FOXP1: variants seen among roughly 807,000 people sequenced by gnomAD.
FOXP1 encodes forkhead box P1.
A neutral mutation model predicts 98.2 loss-of-function variants in FOXP1; 15 were observed. That is an observed-to-expected ratio of 0.15 (90% CI 0.10 to 0.24). The LOEUF (loss-of-function observed/expected upper bound fraction) is 0.24. FOXP1 is among the 10% of genes least tolerant of loss of function. The pLI is 1.00. For missense variants in FOXP1, 633 were observed against 848.5 expected (o/e 0.75, Z 3.15); for synonymous variants, 371 against 314.5 (o/e 1.18, Z -1.90).
chr3:71,308,640 G>GT (rs2074450010), intron 4 of FOXP1, among the ~76,000 whole-genome samples: 1 of 151,966 alleles, frequency 6.6e-6, no homozygotes, highest in Non-Finnish European at 1.5e-5. Flanking sequence ...AGAATAAACT[G>GT]TCGCCCAAGG....
Position 71,348,538 on chromosome 3 carries a change from TGTGTGTGTGTGC to T in FOXP1, c.-73+10600_-73+10611del, listed in dbSNP as rs1560348920. Among the ~76,000 whole-genome samples, 282 of 72,490 alleles carry T rather than the reference TGTGTGTGTGTGC, an allele frequency of 3.9e-3. 2 individuals carry two copies. The highest frequency in any genetic ancestry group is 0.01 in the Admixed American group (56 of 5,350). The allele number at this position is 72,490 out of a possible 152,430, so 47.6% of individuals were successfully genotyped here. A position where few individuals can be genotyped will look rare whatever the true frequency, so the allele number is the denominator to read the frequency against. ...GTGTGTGTGCGTGTGTGTGTGTGTG[TGTGTGTGTGTGC>T]GTGCGCGCGCGCACGCATATGCATG... On this transcript the variant is annotated intron_variant, in intron 4 of 20. Transcript: ENST00000649528.
At chr3:71,008,057 A>C (rs2043028026) in intron 12 of FOXP1, among the ~76,000 whole-genome samples, 1 of 152,222 alleles carries the variant, frequency 6.6e-6, no homozygotes. Context: ...GATACTAAGC[A>C]AGGATACAAA....
chr3:71,519,172 G>T (rs1384140988), intron 2 of FOXP1, among the ~76,000 whole-genome samples: 1 of 152,194 alleles, frequency 6.6e-6, no homozygotes, highest in African/African-American at 2.4e-5. Context: ...CTGGAACCCA[G>T]GAGGCAGAGG....
chr3:71,063,381 C>T (rs1227499977), intron 7 of FOXP1, among the ~76,000 whole-genome samples: 11 of 152,252 alleles, frequency 7.2e-5, no homozygotes, highest in African/African-American at 2.4e-4. Flanking sequence ...AACACACACA[C>T]ATCAAACCCT....
Position 71,188,198 on chromosome 3 carries a change from C to T in FOXP1, c.180+10004G>A, listed in dbSNP as rs576020785. ...CTACTAGGAAGAGGTATATTGTGCC[C>T]TTCAGTGAACATAAAATTGATATTA... On this transcript the variant is annotated intron_variant, in intron 6 of 20. Coordinates refer to ENST00000649528, the MANE Select transcript of FOXP1 (RefSeq NM_001349338.3). Among the ~76,000 whole-genome samples, 24 of 152,152 alleles carry T rather than the reference C, an allele frequency of 1.6e-4. No individual in the cohort carries two copies. In the South Asian group the frequency reaches 4.8e-3, roughly 30 times the overall value.
At chr3:71,387,788 C>A (rs13093476) in intron 3 of FOXP1, among the ~76,000 whole-genome samples, 23,111 of 152,148 alleles carry the variant, frequency 0.15, 1,964 homozygotes, top group African/African-American at 0.19. Context: ...CAAACAAAGT[C>A]GTTGTTCAAT....
chr3:71,315,079 T>TAAAAAAAAAAAA (rs11355298), intron 4 of FOXP1, among the ~76,000 whole-genome samples: 22 of 70,684 alleles, frequency 3.1e-4, no homozygotes, highest in African/African-American at 7.3e-4. Context: ...CTGGTCCATG[T>TAAAAAAAAAAAA]AAAAAAAAAA....
At position 71,121,487 on chromosome 3, in the gene FOXP1, A is replaced by G. The variant is rs188216343; in HGVS notation, c.181-8850T>C. Among the ~76,000 whole-genome samples the G allele has an allele frequency of 7.2e-3, 770 of 107,140 alleles. 6 individuals carry two copies. The highest frequency in any genetic ancestry group is 0.013 in the Non-Finnish European group (583 of 44,494). 70.3% of individuals were successfully genotyped at this position (107,140 alleles called of 152,430 possible). ...AGTCTTTGGGAAGAGCTAAAAAAAAAACCCACCATCATACTCCTACTCCCA... is the reference window on the plus strand; with the variant it reads ...AGTCTTTGGGAAGAGCTAAAAAAAAGACCCACCATCATACTCCTACTCCCA... On this transcript the variant is annotated intron_variant, in intron 6 of 20. Coordinates refer to ENST00000649528, the MANE Select transcript of FOXP1 (RefSeq NM_001349338.3).
Position 71,194,274 on chromosome 3 carries a change from A to G in FOXP1, c.180+3928T>C, listed in dbSNP as rs553313270. 3.0e-4 allele frequency among the ~76,000 whole-genome samples: 45 copies of G among 151,758 alleles called. No homozygotes were observed. The South Asian group carries it at 8.1e-3, about 27-fold the overall frequency. On this transcript the variant is annotated intron_variant, in intron 6 of 20. Transcript: ENST00000649528. ...GCCAGGTGGTACCAAAAAAAAAAAAAAAAGAAAGAAAGAAACCCCACAAAA... is the reference window on the plus strand; with the variant it reads ...GCCAGGTGGTACCAAAAAAAAAAAAGAAAGAAAGAAAGAAACCCCACAAAA...
chr3:71,566,953 C>G (rs144998654), intron 2 of FOXP1, among the ~76,000 whole-genome samples: 1 of 152,124 alleles, frequency 6.6e-6, no homozygotes, highest in African/African-American at 2.4e-5. Flanking sequence ...CAGTCTCTCC[C>G]TCACCTCACA....
intron 2 of FOXP1, among the ~76,000 whole-genome samples, chr3:71,577,800 AT>A (rs924888818): frequency 8.5e-5 from 13 of 152,060 alleles, no homozygotes; most frequent in African/African-American, 3.1e-4. Context: ...AAAAAAAAAA[AT>A]CCCCTGCAAA....
intron 6 of FOXP1, among the ~76,000 whole-genome samples, chr3:71,131,897 G>C (rs1411868673): frequency 2.0e-5 from 3 of 152,150 alleles, no homozygotes; most frequent in Non-Finnish European, 4.4e-5. Context: ...GGAAAAAATG[G>C]GAAAGATCTG....
intron 3 of FOXP1, among the ~76,000 whole-genome samples, chr3:71,469,437 C>CTAA (rs1283202729): frequency 6.6e-6 from 1 of 152,256 alleles, no homozygotes; most frequent in East Asian, 1.9e-4. Context: ...ACCACCCCTT[C>CTAA]TAAGTCACCT....
intron 4 of FOXP1, among the ~76,000 whole-genome samples, chr3:71,315,104 A>AAAG (rs2074990683): frequency 7.5e-6 from 1 of 133,642 alleles, no homozygotes; most frequent in East Asian, 1.9e-4. Flanking sequence ...AAAAAAAAAA[A>AAAG]AAAGAAAGAA....
Position 71,321,499 on chromosome 3 carries a change from T to C in FOXP1, c.-72-21619A>G, listed in dbSNP as rs73839487. ...ATGGGCTATATATAACACATAAGACTATAGACATTTTCTCTGGGGTTCAGG... is the reference window on the plus strand; with the variant it reads ...ATGGGCTATATATAACACATAAGACCATAGACATTTTCTCTGGGGTTCAGG... On this transcript the variant is annotated intron_variant, in intron 4 of 20. Transcript: ENST00000649528. 4.0e-3 allele frequency among the ~76,000 whole-genome samples: 609 copies of C among 152,302 alleles called. 3 individuals carry two copies. Among genetic ancestry groups the C allele is most frequent in the African/African-American group, 0.014 (591 of 41,558 alleles).
At chr3:71,454,641 C>T (rs2087278488) in intron 3 of FOXP1, among the ~76,000 whole-genome samples, 1 of 152,132 alleles carries the variant, frequency 6.6e-6, no homozygotes, top group African/African-American at 2.4e-5. Flanking sequence ...GACCTCCATG[C>T]ACCTCAAGGT....
At chr3:71,270,671 C>T (rs927492617) in intron 5 of FOXP1, among the ~76,000 whole-genome samples, 2 of 152,166 alleles carry the variant, frequency 1.3e-5, no homozygotes, top group Admixed American at 6.5e-5. Flanking sequence ...TGGGGCCCAC[C>T]GTGTTTTAAC....
chr3:71,361,692 T>C (rs1025233045), intron 3 of FOXP1, among the ~76,000 whole-genome samples: 1 of 152,200 alleles, frequency 6.6e-6, no homozygotes, highest in African/African-American at 2.4e-5. Flanking sequence ...GCTGTCAGCC[T>C]GTCGTTCCAG....
At chr3:71,048,599 GCATAAAATGATC>G in intron 9 of FOXP1, among the ~76,000 whole-genome samples, 1 of 151,942 alleles carries the variant, frequency 6.6e-6, no homozygotes, top group South Asian at 2.1e-4. Flanking sequence ...AGAACAGCAT[GCATAAAATGATC>G]CAATTGTTTT....
Sources: gnomAD v4.1 joint callset for allele counts (sites outside exome capture counted in the v4.1 genomes callset) on GRCh38, gnomAD v4.1.1 for gene constraint, MANE v1.5 for transcripts, NCBI Gene and HGNC (gene_info 2026-07-23, HGNC 2026-07-21) for gene names.